The following WDFY4 variants were observed in gnomAD, a reference collection of about 807,000 sequenced individuals.
WDFY4 encodes WDFY family member 4.
Under a neutral mutation model 351.9 loss-of-function variants are expected in WDFY4, and 169 were observed. That is an observed-to-expected ratio of 0.48 (90% CI 0.42 to 0.55). WDFY4 has a LOEUF of 0.55. Ranked by LOEUF, WDFY4 falls within the 20% of genes least tolerant of loss-of-function variation. The pLI is 0.00. For synonymous variants in WDFY4, 1,622 were observed against 1,574.6 expected (o/e 1.03, Z -0.71); for missense variants, 3,803 against 3,935.6 (o/e 0.97, Z 0.90).
Position 48,788,658 on chromosome 10 carries a change from C to T in WDFY4, c.3937C>T (p.Arg1313Cys), listed in dbSNP as rs926486308. Residue 1313 changes from arginine (R) to cysteine (C), a missense_variant, in exon 21 of 62, where the codon CGC (arginine) becomes TGC (cysteine). Arg to Cys is a radical substitution (Grantham distance 180, BLOSUM62 -3). Transcript: ENST00000325239. ...IRNAYNEVDS[R>C]LIAKEMNISS... ...AAATGCTTACAATGAGGTGGACAGCCGCCTGATCGCCAAAGAGGTACATCT... is the reference window on the plus strand; with the variant it reads ...AAATGCTTACAATGAGGTGGACAGCTGCCTGATCGCCAAAGAGGTACATCT... 1.0e-5 allele frequency: 16 copies of T among 1,551,656 alleles called. No homozygotes were observed. The highest frequency in any genetic ancestry group is 9.8e-5 in the Admixed American group (5 of 50,996).
At chr10:48,718,447 C>T (rs532669167) in intron 2 of WDFY4, among the ~76,000 whole-genome samples, 3 of 152,254 alleles carry the variant, frequency 2.0e-5, no homozygotes, top group African/African-American at 7.2e-5. Context: ...CTTATCTTTC[C>T]TAGATGGAAG....
chr10:48,981,985 C>T (rs778592703), intron 61 of WDFY4, among the ~76,000 whole-genome samples: 9 of 152,184 alleles, frequency 5.9e-5, no homozygotes, highest in East Asian at 1.9e-4. Flanking sequence ...GTACACACTG[C>T]GAGGTGCAGC....
intron 18 of WDFY4, among the ~76,000 whole-genome samples, chr10:48,779,149 C>T (rs2066136212): frequency 6.6e-6 from 1 of 152,216 alleles, no homozygotes; most frequent in South Asian, 2.1e-4. Context: ...AGGGCTTTGC[C>T]TTGCTGGGAC....
intron 3 of WDFY4, among the ~76,000 whole-genome samples, chr10:48,720,959 G>A (rs1411861969): frequency 6.6e-6 from 1 of 152,198 alleles, no homozygotes; most frequent in Admixed American, 6.5e-5. Flanking sequence ...GAAGTAGGGG[G>A]AGATTCTGGA....
In WDFY4 at chr10:48,900,287, C is replaced by A. The variant is rs1006647050; in HGVS notation, c.7504C>A (p.Arg2502=). The A allele has an allele frequency of 6.4e-7, 1 of 1,551,474 alleles. No individual in the cohort carries two copies. The highest frequency in any genetic ancestry group is 2.4e-5 in the East Asian group (1 of 40,904). Residue 2502 remains arginine, a synonymous_variant, in exon 46 of 62, where the codon CGG becomes AGG. Transcript: ENST00000325239. ...GTTTCTTGTCTTCTACAACAATGAT[C>A]GGAGTAAGGCCTTTAAAAGGTAAGA... The part of the protein sequence containing the change: ...SKFLVFYNND[R]SKAFKSFCSF...
chr10:48,819,593 C>T (rs1157923401), intron 32 of WDFY4, among the ~76,000 whole-genome samples: 1 of 152,176 alleles, frequency 6.6e-6, no homozygotes, highest in Non-Finnish European at 1.5e-5. Context: ...TCTGTGTCCT[C>T]CTGGACGTAT....
intron 47 of WDFY4, among the ~76,000 whole-genome samples, chr10:48,919,806 T>G (rs1838887060): frequency 6.6e-6 from 1 of 152,176 alleles, no homozygotes; most frequent in African/African-American, 2.4e-5. Context: ...TACAGATTTT[T>G]GGGGGACACA....
chr10:48,941,864 C>T lies in WDFY4; in HGVS notation c.7629+16C>T, dbSNP rs749389319. On this transcript the variant is annotated intron_variant, in intron 48 of 61. Coordinates refer to ENST00000325239, the MANE Select transcript of WDFY4 (RefSeq NM_001394531.1). ...GAAGTGGCAGGTACAGTAGCTCCTC[C>T]AGAGGGAAGCCCTCTGGGAATGCAA... 1.3e-6 allele frequency: 2 copies of T among 1,551,698 alleles called. No homozygotes were observed. The highest frequency in any genetic ancestry group is 2.4e-5 in the East Asian group (1 of 40,918).
intron 57 of WDFY4, among the ~76,000 whole-genome samples, chr10:48,973,742 G>A (rs1360027762): frequency 2.0e-5 from 3 of 152,226 alleles, no homozygotes; most frequent in African/African-American, 7.2e-5. Flanking sequence ...AGCATGTGTG[G>A]TGGGCCACTT....
chr10:48,964,651 T>C (rs1042718235), intron 54 of WDFY4, among the ~76,000 whole-genome samples: 1 of 152,230 alleles, frequency 6.6e-6, no homozygotes, highest in Non-Finnish European at 1.5e-5. Context: ...CTGCCAGGCC[T>C]CTGGTGAAAT....
At chr10:48,969,648 C>G (rs1390704008) in intron 56 of WDFY4, among the ~76,000 whole-genome samples, 7 of 152,134 alleles carry the variant, frequency 4.6e-5, no homozygotes, top group African/African-American at 1.4e-4. Flanking sequence ...CCCTACTGGT[C>G]CTCCCAGCCC....
At position 48,959,797 on chromosome 10, in the gene WDFY4, T is replaced by G; in HGVS notation, c.8207T>G (p.Ile2736Ser). Residue 2736 changes from isoleucine (I) to serine (S), a missense_variant, in exon 53 of 62, where the codon ATC becomes AGC. Coordinates refer to ENST00000325239, the MANE Select transcript of WDFY4 (RefSeq NM_001394531.1). ...PWADGDPRKF[I>S]SLHRKALESD... ...GCTGATGGGGACCCTCGGAAATTCA[T>G]CAGCCTGCACAGAAAGGTGAGTCAG... The G allele has an allele frequency of 6.4e-7, 1 of 1,551,094 alleles. No individual in the cohort carries two copies. Among genetic ancestry groups the G allele is most frequent in the Non-Finnish European group, 8.7e-7 (1 of 1,146,616 alleles).
At position 48,974,519 on chromosome 10, in the gene WDFY4, A is replaced by AAAAAAAAAAAAAAAAAAAAAAAAAAAC. The variant is rs1352344126; in HGVS notation, c.8929-333_8929-332insAAAAAAAAAAAAAAAACAAAAAAAAAA. 1.8e-4 allele frequency among the ~76,000 whole-genome samples: 9 copies of AAAAAAAAAAAAAAAAAAAAAAAAAAAC among 49,966 alleles called. 1 individual carries two copies. Among genetic ancestry groups the AAAAAAAAAAAAAAAAAAAAAAAAAAAC allele is most frequent in the Non-Finnish European group, 2.5e-4 (7 of 27,742 alleles). The allele number at this position is 49,966 out of a possible 152,430, so 32.8% of individuals were successfully genotyped here. A position where few individuals can be genotyped will look rare whatever the true frequency, so the allele number is the denominator to read the frequency against. On this transcript the variant is annotated intron_variant, in intron 57 of 61. Coordinates refer to ENST00000325239, the MANE Select transcript of WDFY4 (RefSeq NM_001394531.1). ...CTCCGTCTCAAAAAAAAAAAAAAAA[A>AAAAAAAAAAAAAAAAAAAAAAAAAAAC]AAAAAAAAAACAACTCATGACATGA...
At chr10:48,851,229 CT>C (rs1484942566) in intron 39 of WDFY4, among the ~76,000 whole-genome samples, 1 of 152,178 alleles carries the variant, frequency 6.6e-6, no homozygotes, top group African/African-American at 2.4e-5. Context: ...TGCTGCAAGA[CT>C]GGGGGCAGCC....
intron 12 of WDFY4, 42 bp from the exon 13 acceptor site, chr10:48,760,305 G>A: frequency 1.3e-6 from 2 of 1,522,356 alleles, no homozygotes; most frequent in East Asian, 2.5e-5. Flanking sequence ...GAAAGAAACT[G>A]GAAGGTCCGT....
At chr10:48,873,286 G>A (rs2069855687) in intron 40 of WDFY4, among the ~76,000 whole-genome samples, 1 of 152,186 alleles carries the variant, frequency 6.6e-6, no homozygotes, top group Non-Finnish European at 1.5e-5. Flanking sequence ...CCCTAACTTG[G>A]ATTAAGATAT....
chr10:48,776,726 C>A, intron 15 of WDFY4, 24 bp from the exon 16 acceptor site: 1 of 1,497,870 alleles, frequency 6.7e-7, no homozygotes, highest in Non-Finnish European at 8.9e-7. Flanking sequence ...AGAGACACAT[C>A]TCTTCTCTTG....
chr10:48,897,275 C>T (rs908350017), intron 44 of WDFY4, among the ~76,000 whole-genome samples, 179 bp from the exon 45 acceptor site: 1 of 152,216 alleles, frequency 6.6e-6, no homozygotes, highest in African/African-American at 2.4e-5. Flanking sequence ...GGCAAGCACT[C>T]AGCAAGGATT....
At chr10:48,956,745 C>T (rs965534624) in intron 51 of WDFY4, among the ~76,000 whole-genome samples, 3 of 152,174 alleles carry the variant, frequency 2.0e-5, no homozygotes, top group East Asian at 3.8e-4. Context: ...TCTCAGGAGC[C>T]GAGTCCCAGT....
Sources: allele counts gnomAD v4.1 joint callset (sites outside exome capture counted in the v4.1 genomes callset), GRCh38; gene constraint gnomAD v4.1.1; transcripts MANE v1.5; gene names NCBI Gene and HGNC (gene_info 2026-07-23, HGNC 2026-07-21).